Variants in ACOT2 observed in about 807,000 individuals in gnomAD.
The protein encoded by ACOT2 is acyl-coenzyme A thioesterase 2, mitochondrial.
Under a neutral mutation model 20.1 loss-of-function variants are expected in ACOT2, and 15 were observed. The ratio of observed to expected loss-of-function variants is 0.75; its 90% confidence interval spans 0.50 to 1.15. The LOEUF (loss-of-function observed/expected upper bound fraction) is 1.15. ACOT2 is among the 50% of genes most tolerant of loss of function. ACOT2 has a pLI of 0.00. For missense variants in ACOT2, 479 were observed against 615.3 expected, an observed-to-expected ratio of 0.78 and a Z score of 2.34; for synonymous variants, 252 against 268.4, an observed-to-expected ratio of 0.94 and a Z score of 0.60.
In ACOT2 at chr14:73,569,795, G is replaced by C; in HGVS notation, c.555G>C (p.Thr185=). The change falls in exon 1 of 3, where the codon ACG becomes ACC. Residue 185 remains threonine, a synonymous_variant. Transcript: ENST00000238651. ...ACCCCGGGCGGCTGCTGTGCCAGAC[G>C]CGGCACGAGCGCTACTTCCTCCCGC... ...DPDPGRLLCQ[T]RHERYFLPPG... The C allele has an allele frequency of 6.2e-7, 1 of 1,603,350 alleles. No homozygotes were observed. The highest frequency in any genetic ancestry group is 8.5e-7 in the Non-Finnish European group (1 of 1,175,948).
rs753404641 is a variant in ACOT2 at position 73,569,718 on chromosome 14, G to T, written c.478G>T (p.Val160Leu). ...TTTGGTGCGGCTGGTGAAGCGCGAC[G>T]TGCGAACGCCCTTGGCCGTGGAGCT... ...KPLVRLVKRD[V>L]RTPLAVELEV... Residue 160 changes from valine (V) to leucine (L), a missense_variant, in exon 1 of 3, where the codon GTG becomes TTG. Around this residue, in one of 4 missense-constraint regions of ACOT2, gnomAD observed 400 missense variants for 395.5 expected, o/e 1.01. Transcript: ENST00000238651. 14 of 1,609,328 alleles carry T rather than the reference G, an allele frequency of 8.7e-6. No individual in the cohort carries two copies. The highest frequency in any genetic ancestry group is 1.2e-5 in the Non-Finnish European group (14 of 1,178,850).
chr14:73,569,333 C>T lies in ACOT2; in HGVS notation c.93C>T (p.Ser31=), dbSNP rs771740932. 6.2e-7 allele frequency: 1 copy of T among 1,613,974 alleles called. No homozygotes were observed. The highest frequency in any genetic ancestry group is 1.1e-5 in the South Asian group (1 of 91,064). ...MASSPAVLRA[S]RLYQWSLKSS... ...CATCTCCTGCTGTCCTTCGAGCGTCCCGGCTGTACCAATGGAGCCTGAAGA... is the reference window on the plus strand; with the variant it reads ...CATCTCCTGCTGTCCTTCGAGCGTCTCGGCTGTACCAATGGAGCCTGAAGA... The change falls in exon 1 of 3, where the codon TCC becomes TCT. Residue 31 remains serine, a synonymous_variant. Transcript: ENST00000238651.
rs1400941973 is a variant in ACOT2, at chr14:73,569,525, G to T, written c.285G>T (p.Thr95=). The T allele has an allele frequency of 6.2e-7, 1 of 1,607,902 alleles. No homozygotes were observed. Among genetic ancestry groups the T allele is most frequent in the East Asian group, 2.2e-5 (1 of 44,784 alleles). Reference sequence around the variant, plus strand: ...GCCTAGCCCCGGAGCAGCCGGTCACGCTGCGCGCGTCCCTGCGCGACGAGA... The same window carrying T: ...GCCTAGCCCCGGAGCAGCCGGTCACTCTGCGCGCGTCCCTGCGCGACGAGA... ...VRGLAPEQPV[T]LRASLRDEKG... Residue 95 remains threonine (T), a synonymous_variant, in exon 1 of 3, where the codon ACG becomes ACT. Transcript: ENST00000238651.
Position 73,570,027 on chromosome 14 carries a change from C to G in ACOT2, c.643+144C>G. 3 of 1,318,408 alleles carry G rather than the reference C, an allele frequency of 2.3e-6. No individual in the cohort carries two copies. The East Asian group carries it at 7.8e-5, about 34-fold the overall frequency. The allele number at this position is 1,318,408 out of a possible 1,614,324, so 81.7% of individuals were successfully genotyped here. A position where few individuals can be genotyped will look rare whatever the true frequency, so the allele number is the denominator to read the frequency against. On this transcript the variant is annotated intron_variant, in intron 1 of 2. Coordinates refer to ENST00000238651, the MANE Select transcript of ACOT2 (RefSeq NM_006821.6). Reference sequence around the variant, plus strand: ...CAGGCAGGTTTCGAATTCCTGGTCTCCAGCTATCTTCCCGCCTCTGCCTCC... The same window carrying G: ...CAGGCAGGTTTCGAATTCCTGGTCTGCAGCTATCTTCCCGCCTCTGCCTCC...
Position 73,575,621 on chromosome 14 carries a change from T to C in ACOT2, c.*108T>C. The C allele has an allele frequency of 6.4e-7, 1 of 1,559,166 alleles. No homozygotes were observed. Among genetic ancestry groups the C allele is most frequent in the Non-Finnish European group, 8.6e-7 (1 of 1,158,690 alleles). On this transcript the variant is annotated 3_prime_UTR_variant, in exon 3 of 3. Coordinates refer to ENST00000238651, the MANE Select transcript of ACOT2 (RefSeq NM_006821.6). ...TCTTTTGTTTTTAATAACTAAAGTT[T>C]TTTCCCCTCATTATTAAAATGAATT...
rs146500239 is a variant in ACOT2, at chr14:73,569,306, C to G, written c.66C>G (p.Ala22=). ...TTCTCAGGTCTGAATTCAAAATGGCCTCATCTCCTGCTGTCCTTCGAGCGT... is the reference window on the plus strand; with the variant it reads ...TTCTCAGGTCTGAATTCAAAATGGCGTCATCTCCTGCTGTCCTTCGAGCGT... The part of the protein sequence containing the change: ...SVVLRSEFKM[A]SSPAVLRASR... Residue 22 remains alanine, a synonymous_variant, in exon 1 of 3, where the codon GCC becomes GCG. Transcript: ENST00000238651. 187 of 1,613,956 alleles carry G rather than the reference C, an allele frequency of 1.2e-4. 1 individual carries two copies. The East Asian group carries it at 3.5e-3, about 30-fold the overall frequency.
At position 73,569,739 on chromosome 14, in the gene ACOT2, G is replaced by A; in HGVS notation, c.499G>A (p.Glu167Lys). 6.2e-7 allele frequency: 1 copy of A among 1,609,570 alleles called. No homozygotes were observed. The highest frequency in any genetic ancestry group is 8.5e-7 in the Non-Finnish European group (1 of 1,178,846). Residue 167 changes from glutamate to lysine, a missense_variant, in exon 1 of 3, where the codon GAG becomes AAG. This residue lies in a region of ACOT2 where 400 missense variants were observed against 395.5 expected (regional missense o/e 1.01). Transcript: ENST00000238651. ...CGACGTGCGAACGCCCTTGGCCGTGGAGCTGGAGGTGCTGGATGGCCACGA... is the reference window on the plus strand; with the variant it reads ...CGACGTGCGAACGCCCTTGGCCGTGAAGCTGGAGGTGCTGGATGGCCACGA... ...KRDVRTPLAV[E>K]LEVLDGHDPD...
At chr14:73,570,110 CT>C (rs60839743) in intron 1 of ACOT2, among the ~76,000 whole-genome samples, 76 of 140,574 alleles carry the variant, frequency 5.4e-4, no homozygotes, top group African/African-American at 1.1e-3. Context: ...GGGAGTTACA[CT>C]TTTTTTTTTT....
intron 2 of ACOT2, among the ~76,000 whole-genome samples, chr14:73,573,915 C>T (rs989125007): frequency 2.0e-5 from 3 of 151,932 alleles, no homozygotes; most frequent in East Asian, 1.9e-4. Flanking sequence ...TTAGTGGAGG[C>T]GGGGTTTCAC....
chr14:73,569,713 G>T lies in ACOT2; in HGVS notation c.473G>T (p.Arg158Leu), dbSNP rs774727898. The T allele has an allele frequency of 1.2e-5, 19 of 1,609,152 alleles. No homozygotes were observed. Among genetic ancestry groups the T allele is most frequent in the Non-Finnish European group, 1.6e-5 (19 of 1,178,826 alleles). ...PEKPLVRLVK[R>L]DVRTPLAVEL... ...AAACCTTTGGTGCGGCTGGTGAAGCGCGACGTGCGAACGCCCTTGGCCGTG... is the reference window on the plus strand; with the variant it reads ...AAACCTTTGGTGCGGCTGGTGAAGCTCGACGTGCGAACGCCCTTGGCCGTG... The change falls in exon 1 of 3, where the codon CGC becomes CTC. Residue 158 changes from arginine to leucine, a missense_variant. By Grantham distance (102) the Arg-to-Leu change is moderately radical. Coordinates refer to ENST00000238651, the MANE Select transcript of ACOT2 (RefSeq NM_006821.6).
chr14:73,567,665 T>C (rs1167832260), upstream of ACOT2: 1 of 152,098 alleles, frequency 6.6e-6, no homozygotes, highest in African/African-American at 2.4e-5. Flanking sequence ...TTTGTTCTTT[T>C]GTACTTCACA....
intron 1 of ACOT2, among the ~76,000 whole-genome samples, chr14:73,572,176 C>A (rs1252837064): frequency 2.9e-4 from 7 of 24,512 alleles, no homozygotes; most frequent in African/African-American, 5.5e-4. Flanking sequence ...TATAAGAGGC[C>A]AGATGAGCAG....
chr14:73,573,113 C>T (rs1889798190), intron 1 of ACOT2, among the ~76,000 whole-genome samples: 1 of 151,692 alleles, frequency 6.6e-6, no homozygotes, highest in Admixed American at 6.6e-5. Context: ...TTCTATGTAG[C>T]AGTCTTTCTT....
chr14:73,568,137 G>A (rs1448667228), upstream of ACOT2: 1 of 152,044 alleles, frequency 6.6e-6, no homozygotes, highest in Non-Finnish European at 1.5e-5. Context: ...AAGGTAATTA[G>A]AACTGACAGG....
At chr14:73,571,689 G>C (rs1889754269) in intron 1 of ACOT2, 1 of 151,844 alleles carries the variant, frequency 6.6e-6, no homozygotes, top group South Asian at 2.1e-4. Context: ...CGCGTGGGCT[G>C]TGCTCATCGC....
upstream of ACOT2, chr14:73,569,111 G>A (rs1889653455): frequency 1.8e-6 from 2 of 1,102,392 alleles, no homozygotes; most frequent in East Asian, 2.4e-5. Context: ...TTCAACACAG[G>A]AGACTTTAAG....
upstream of ACOT2, among the ~76,000 whole-genome samples, chr14:73,568,617 A>C (rs1889646337): frequency 6.6e-6 from 1 of 151,998 alleles, no homozygotes; most frequent in African/African-American, 2.4e-5. Flanking sequence ...AGAAACCAGT[A>C]AAACAAAATA....
rs746380380 is a variant in ACOT2, at chr14:73,569,227, G to C, written c.-14G>C. ...CCCTAGTGGGCGCTTAGCCTGCGAC[G>C]GCAGCCCGAGAGGATGTCTAACAAG... On this transcript the variant is annotated 5_prime_UTR_variant, in exon 1 of 3. Coordinates refer to ENST00000238651, the MANE Select transcript of ACOT2 (RefSeq NM_006821.6). 20 of 1,612,216 alleles carry C rather than the reference G, an allele frequency of 1.2e-5. 1 individual carries two copies. The highest frequency in any genetic ancestry group is 1.4e-5 in the Non-Finnish European group (17 of 1,178,720).
chr14:73,570,017 T>G, intron 1 of ACOT2, 134 bp downstream of exon 1: 6 of 1,330,236 alleles, frequency 4.5e-6, no homozygotes, highest in East Asian at 2.6e-5. Context: ...AGGTTTCGAA[T>G]TCCTGGTCTC....
Sources: gnomAD v4.1 joint callset for allele counts (sites outside exome capture counted in the v4.1 genomes callset) on GRCh38, gnomAD v4.1.1 for gene constraint, gnomAD v4.1.1 regional missense constraint, MANE v1.5 for transcripts, NCBI Gene and HGNC (gene_info 2026-07-23, HGNC 2026-07-21) for gene names.